PLAG1: variants seen among roughly 807,000 people sequenced by gnomAD.
PLAG1 encodes PLAG1 zinc finger.
A neutral mutation model predicts 35.5 loss-of-function variants in PLAG1; 7 were observed. That is an observed-to-expected ratio of 0.20 (90% CI 0.11 to 0.37). PLAG1 has a LOEUF of 0.37. Among genes scored for constraint, PLAG1 ranks in the 10% least tolerant of loss-of-function variants. The probability of loss-of-function intolerance (pLI) is 1.00; values close to 1 mark genes in which losing one functional copy is unlikely to be tolerated. For missense variants in PLAG1, 454 were observed against 602.8 expected (o/e 0.75, Z 2.58); for synonymous variants, 229 against 225.4 (o/e 1.02, Z -0.14).
Position 56,175,361 on chromosome 8 carries a change from T to C in PLAG1, c.-217+4048A>G, listed in dbSNP as rs1811653640. 5.9e-5 allele frequency among the ~76,000 whole-genome samples: 9 copies of C among 152,266 alleles called. No homozygotes were observed. In the South Asian group the frequency reaches 1.9e-3, roughly 32 times the overall value. Reference sequence around the variant, plus strand: ...GGGCAGGAAGGACGAGACTCTCAGTTGGGGCTGCTGGTCCCTACAGAGGGG... The same window carrying C: ...GGGCAGGAAGGACGAGACTCTCAGTCGGGGCTGCTGGTCCCTACAGAGGGG... On this transcript the variant is annotated intron_variant, in intron 2 of 4. Coordinates refer to ENST00000316981, the MANE Select transcript of PLAG1 (RefSeq NM_002655.3).
At chr8:56,206,985 A>G (rs1812718563) in intron 1 of PLAG1, among the ~76,000 whole-genome samples, 3 of 151,980 alleles carry the variant, frequency 2.0e-5, no homozygotes, top group South Asian at 4.1e-4. Context: ...GAAAAAATTA[A>G]TATTTATTTC....
At chr8:56,168,454 G>T in intron 3 of PLAG1, 68 bp from the exon 4 acceptor site, 1 of 653,578 alleles carries the variant, frequency 1.5e-6, no homozygotes, top group Non-Finnish European at 2.3e-6. Flanking sequence ...TATTTGCTAT[G>T]TGATGCTTTT....
intron 2 of PLAG1, among the ~76,000 whole-genome samples, chr8:56,176,005 T>G (rs2129226852): frequency 6.6e-6 from 1 of 151,926 alleles, no homozygotes; most frequent in Non-Finnish European, 1.5e-5. Flanking sequence ...CACGTTAAGT[T>G]AAAAGTTTTT....
At chr8:56,201,424 T>C (rs1426225212) in intron 1 of PLAG1, among the ~76,000 whole-genome samples, 1 of 152,216 alleles carries the variant, frequency 6.6e-6, no homozygotes, top group Non-Finnish European at 1.5e-5. Context: ...CTTATATCTT[T>C]AGAAAAATCT....
At position 56,168,200 on chromosome 8, in the gene PLAG1, T is replaced by A; in HGVS notation, c.70A>T (p.Lys24Ter). The A allele has an allele frequency of 1.2e-6, 2 of 1,613,926 alleles. No homozygotes were observed. Among genetic ancestry groups the A allele is most frequent in the Non-Finnish European group, 1.7e-6 (2 of 1,179,856 alleles). Residue 24 changes from lysine (K) to a stop codon, truncating the protein, a stop_gained, in exon 4 of 5, where the codon AAG becomes TAG. Coordinates refer to ENST00000316981, the MANE Select transcript of PLAG1 (RefSeq NM_002655.3). LOFTEE classifies it high-confidence loss of function. ...DTQKVPSGKRKRGETKPRKNF... is the reference protein window; with the variant it reads ...DTQKVPSGKR ...TTTCTTGGTTTGGTTTCACCACGCT[T>A]ACGTTTCCCTGAAGGGACTTTCTGG...
chr8:56,202,891 T>C (rs1262307499), intron 1 of PLAG1, among the ~76,000 whole-genome samples: 2 of 152,212 alleles, frequency 1.3e-5, no homozygotes, highest in Admixed American at 1.3e-4. Context: ...AGATAGGAAG[T>C]ACAGACATTA....
At chr8:56,180,929 G>A (rs1811846903) in intron 1 of PLAG1, among the ~76,000 whole-genome samples, 1 of 152,008 alleles carries the variant, frequency 6.6e-6, no homozygotes, top group South Asian at 2.1e-4. Flanking sequence ...GAAGACATTT[G>A]AAACATATGA....
intron 1 of PLAG1, among the ~76,000 whole-genome samples, chr8:56,195,345 T>A (rs530774747): frequency 6.6e-6 from 1 of 152,320 alleles, no homozygotes; most frequent in East Asian, 1.9e-4. Flanking sequence ...CCAGGATAAA[T>A]GGCATCACTA....
At chr8:56,168,704 T>C (rs1002815182) in intron 3 of PLAG1, among the ~76,000 whole-genome samples, 6 of 152,358 alleles carry the variant, frequency 3.9e-5, no homozygotes, top group Admixed American at 1.3e-4. Flanking sequence ...AGTGGCATTA[T>C]TAAGCTTCAA....
chr8:56,178,177 C>T (rs1811764959), intron 2 of PLAG1: 2 of 165,062 alleles, frequency 1.2e-5, no homozygotes, highest in Admixed American at 6.5e-5. Flanking sequence ...AGAGGGTATC[C>T]TTCATGTGAA....
intron 2 of PLAG1, among the ~76,000 whole-genome samples, chr8:56,174,781 A>G (rs931488012): frequency 6.6e-6 from 1 of 152,220 alleles, no homozygotes; most frequent in Non-Finnish European, 1.5e-5. Flanking sequence ...CTGCATTTGT[A>G]TTGAACATGC....
In PLAG1 at chr8:56,167,527, A is replaced by T. The variant is rs966093090; in HGVS notation, c.243-24T>A. The T allele has an allele frequency of 6.7e-7, 1 of 1,498,924 alleles. No homozygotes were observed. The highest frequency in any genetic ancestry group is 1.9e-5 in the Admixed American group (1 of 53,254). 92.9% of individuals were successfully genotyped at this position (1,498,924 alleles called of 1,614,324 possible). A position where few individuals can be genotyped will look rare whatever the true frequency, so the allele number is the denominator to read the frequency against. On this transcript the variant is annotated intron_variant, in intron 4 of 4. Transcript: ENST00000316981. This position sits in a 1 kb window ranked among gnomAD's most constrained non-coding sequence, Gnocchi z 5.9. The stretch of plus-strand genomic sequence containing the variant: ...GCCTTTAAACACAGATATAATCTAT[A>T]AGTAGTTATTATGACAAAAATGGCA...
intron 1 of PLAG1, among the ~76,000 whole-genome samples, chr8:56,200,112 C>T (rs943758155): frequency 6.6e-6 from 1 of 152,194 alleles, no homozygotes. Context: ...GAATGGGGCA[C>T]GTGCTGCATA....
chr8:56,170,543 G>C (rs924870334), intron 3 of PLAG1, among the ~76,000 whole-genome samples: 3 of 152,106 alleles, frequency 2.0e-5, no homozygotes, highest in African/African-American at 4.8e-5. Context: ...AACATCGTGG[G>C]AAACAAATTG....
intron 1 of PLAG1, among the ~76,000 whole-genome samples, chr8:56,210,244 G>A (rs1812831451): frequency 1.3e-5 from 2 of 152,206 alleles, no homozygotes; most frequent in Admixed American, 1.3e-4. Context: ...AGCGAGAAAA[G>A]GGGGAGCATC....
chr8:56,204,607 AC>A (rs1812647464), intron 1 of PLAG1, among the ~76,000 whole-genome samples: 2 of 151,906 alleles, frequency 1.3e-5, no homozygotes, highest in South Asian at 2.1e-4. Flanking sequence ...CTAATGTCTA[AC>A]CACTGGTTAA....
chr8:56,186,683 A>T (rs1278181182), intron 1 of PLAG1, among the ~76,000 whole-genome samples: 1 of 90,518 alleles, frequency 1.1e-5, no homozygotes, highest in African/African-American at 4.2e-5. Context: ...GGTTAGCATT[A>T]AAAAAAAAAA....
chr8:56,170,038 G>T (rs933733884), intron 3 of PLAG1, among the ~76,000 whole-genome samples: 4 of 152,120 alleles, frequency 2.6e-5, no homozygotes, highest in African/African-American at 9.7e-5. Flanking sequence ...CTACATTTTT[G>T]TAAAATTAAC....
At chr8:56,195,616 G>T (rs1397761726) in intron 1 of PLAG1, among the ~76,000 whole-genome samples, 2 of 152,228 alleles carry the variant, frequency 1.3e-5, no homozygotes, top group African/African-American at 2.4e-5. Context: ...GGTGAAGACT[G>T]CAGGGGGTGA....
Sources: allele counts gnomAD v4.1 joint callset (sites outside exome capture counted in the v4.1 genomes callset), GRCh38; gene constraint gnomAD v4.1.1; non-coding constraint Gnocchi (gnomAD v3.1); transcripts MANE v1.5; gene names NCBI Gene and HGNC (gene_info 2026-07-23, HGNC 2026-07-21).